Variants in GLIS3 observed in about 807,000 individuals in gnomAD.
GLIS3 encodes the protein GLIS family zinc finger 3, also known as zinc finger protein GLIS3.
Under a neutral mutation model 78.6 loss-of-function variants are expected in GLIS3, and 53 were observed. The observed-to-expected ratio is 0.67, with a 90% confidence interval of 0.54 to 0.85. GLIS3 has a LOEUF of 0.85. Among genes scored for constraint, GLIS3 ranks in the 40% least tolerant of loss-of-function variants. The probability of loss-of-function intolerance (pLI) is 0.00; values close to 1 mark genes in which losing one functional copy is unlikely to be tolerated. For missense variants in GLIS3, 1,703 were observed against 1,231.1 expected, an observed-to-expected ratio of 1.38 and a Z score of -5.74; for synonymous variants, 684 against 509.9, an observed-to-expected ratio of 1.34 and a Z score of -4.60.
intron 4 of GLIS3, among the ~76,000 whole-genome samples, chr9:4,107,919 C>T (rs956235806): frequency 6.6e-6 from 1 of 151,984 alleles, no homozygotes; most frequent in African/African-American, 2.4e-5. Context: ...AATAATAAAC[C>T]TCTACGTATC....
chr9:4,083,362 C>G (rs1780700581), intron 4 of GLIS3, among the ~76,000 whole-genome samples: 1 of 152,118 alleles, frequency 6.6e-6, no homozygotes, highest in East Asian at 1.9e-4. Flanking sequence ...AGTCCATAAT[C>G]CTTACCACAG....
chr9:4,241,210 G>T (rs1823277825), intron 2 of GLIS3, among the ~76,000 whole-genome samples: 1 of 152,120 alleles, frequency 6.6e-6, no homozygotes, highest in South Asian at 2.1e-4. Flanking sequence ...GACGTGAAAG[G>T]AAAGCAAAGG....
the GLIS3 span, among the ~76,000 whole-genome samples, chr9:4,377,998 G>A: frequency 6.6e-6 from 1 of 152,132 alleles, no homozygotes; most frequent in Admixed American, 6.6e-5. Context: ...TCTGCAGCCA[G>A]TAAAACTTAT....
At chr9:4,025,005 T>C (rs148730716) in intron 4 of GLIS3, among the ~76,000 whole-genome samples, 2,499 of 152,102 alleles carry the variant, frequency 0.016, 28 homozygotes, top group Non-Finnish European at 0.025. Context: ...TCCCAGCACT[T>C]TGGGAGGCCG....
chr9:4,207,275 C>A (rs1022287434), intron 2 of GLIS3, among the ~76,000 whole-genome samples: 1 of 152,200 alleles, frequency 6.6e-6, no homozygotes, highest in African/African-American at 2.4e-5. Context: ...CTGCCAGCCC[C>A]ACTAAACTTA....
chr9:4,344,807 A>C (rs1817878120), intron 2 of GLIS3, among the ~76,000 whole-genome samples: 1 of 152,066 alleles, frequency 6.6e-6, no homozygotes, highest in Non-Finnish European at 1.5e-5. Flanking sequence ...CTATCCTTTC[A>C]TTTCCTAAGG....
intron 4 of GLIS3, among the ~76,000 whole-genome samples, chr9:4,012,705 G>C (rs1173014017): frequency 6.7e-6 from 1 of 148,580 alleles, no homozygotes; most frequent in Admixed American, 6.7e-5. Flanking sequence ...CTTGATCTTT[G>C]CCTTCTATTT....
the GLIS3 span, among the ~76,000 whole-genome samples, chr9:4,353,993 A>ATTTT: frequency 6.0e-4 from 82 of 135,750 alleles, no homozygotes; most frequent in African/African-American, 2.1e-3. Context: ...ACACCCGGCT[A>ATTTT]TTTTTTTTTT....
At position 3,980,338 on chromosome 9, in the gene GLIS3, G is replaced by A. The variant is rs760554711; in HGVS notation, c.1711-43149C>T. Among the ~76,000 whole-genome samples, 10 of 152,268 alleles carry A rather than the reference G, an allele frequency of 6.6e-5. No individual in the cohort carries two copies. The South Asian group carries it at 8.3e-4, about 13-fold the overall frequency. On this transcript the variant is annotated intron_variant, in intron 4 of 10. Coordinates refer to ENST00000381971, the MANE Select transcript of GLIS3 (RefSeq NM_001042413.2). ...TGAGAGAAGTGATACACCAAGAGGAGGCCCAGGTTCACACTCGACGTAAGT... is the reference window on the plus strand; with the variant it reads ...TGAGAGAAGTGATACACCAAGAGGAAGCCCAGGTTCACACTCGACGTAAGT...
rs1816963720 is a variant in GLIS3, at chr9:4,299,853, GCTGCCGGCGGGTTCCGT to G, written c.-548_-532del. The G allele has an allele frequency of 6.6e-6, 1 of 152,362 alleles. No homozygotes were observed. Among genetic ancestry groups the G allele is most frequent in the South Asian group, 2.1e-4 (1 of 4,840 alleles). The allele number at this position is 152,362 out of a possible 1,614,324, so 9.4% of individuals were successfully genotyped here. ...GCCGACCCCGGGATGCTGGCTAATT[GCTGCCGGCGGGTTCCGT>G]CGCCGGTGTGACCCTGGACGGCGCG... On this transcript the variant is annotated 5_prime_UTR_variant, in exon 1 of 11. Transcript: ENST00000381971.
chr9:4,394,958 T>C, the GLIS3 span, among the ~76,000 whole-genome samples: 1 of 152,240 alleles, frequency 6.6e-6, no homozygotes, highest in Non-Finnish European at 1.5e-5. Flanking sequence ...TACTATTATT[T>C]ATGAGTGCTA....
chr9:3,999,863 T>C (rs898571020), intron 4 of GLIS3, among the ~76,000 whole-genome samples: 3 of 152,038 alleles, frequency 2.0e-5, no homozygotes, highest in African/African-American at 4.8e-5. Flanking sequence ...TAATAAAACA[T>C]AGTAATTACG....
chr9:3,898,783 A>C lies in GLIS3; in HGVS notation c.2036T>G (p.Val679Gly), dbSNP rs762258189. 4 of 1,614,220 alleles carry C rather than the reference A, an allele frequency of 2.5e-6. No individual in the cohort carries two copies. ...GGAAGTGGCCGGCTGCAGGGACTGC[A>C]CGGTGAGGCAATCTGTGAGCAGGTC... Reference protein sequence around the residue: ...HPDLLTDCLTVQSLQPATSPR... With the variant: ...HPDLLTDCLTGQSLQPATSPR... Residue 679 changes from valine to glycine, a missense_variant, in exon 7 of 11, where the codon GTG (valine) becomes GGG (glycine). Transcript: ENST00000381971.
intron 4 of GLIS3, among the ~76,000 whole-genome samples, chr9:4,023,087 T>G (rs904065094): frequency 6.6e-6 from 1 of 152,180 alleles, no homozygotes; most frequent in Non-Finnish European, 1.5e-5. Flanking sequence ...CTTCAACATA[T>G]TTGAAAACAA....
At chr9:4,462,383 G>C in the GLIS3 span, among the ~76,000 whole-genome samples, 1 of 152,156 alleles carries the variant, frequency 6.6e-6, no homozygotes, top group East Asian at 1.9e-4. Context: ...ACCAGTGGGG[G>C]TGTTTTCAGA....
At chr9:3,983,891 T>C (rs919667899) in intron 4 of GLIS3, among the ~76,000 whole-genome samples, 3 of 152,240 alleles carry the variant, frequency 2.0e-5, no homozygotes, top group Middle Eastern at 3.2e-3. Flanking sequence ...AATCCCATTT[T>C]CTAAGGAGAA....
chr9:4,384,496 C>G, the GLIS3 span, among the ~76,000 whole-genome samples: 1 of 150,956 alleles, frequency 6.6e-6, no homozygotes, highest in East Asian at 1.9e-4. Context: ...TTCTTTCTCT[C>G]TCTTTCCCTC....
intron 2 of GLIS3, chr9:4,346,999 G>A (rs905317000): frequency 6.6e-6 from 1 of 152,056 alleles, no homozygotes; most frequent in South Asian, 2.1e-4. Flanking sequence ...GGCAATAGCT[G>A]TGTCTTAGTC....
chr9:4,120,579 C>T (rs1002451857), intron 3 of GLIS3, among the ~76,000 whole-genome samples: 1 of 152,198 alleles, frequency 6.6e-6, no homozygotes, highest in Non-Finnish European at 1.5e-5. Context: ...ATGTCAAGGG[C>T]CTTTTGGTCT....
Sources: allele counts gnomAD v4.1 joint callset (sites outside exome capture counted in the v4.1 genomes callset), GRCh38; gene constraint gnomAD v4.1.1; transcripts MANE v1.5; gene names NCBI Gene and HGNC (gene_info 2026-07-23, HGNC 2026-07-21).